Variants in DNAH2 observed in about 807,000 individuals in gnomAD.
DNAH2 encodes dynein axonemal heavy chain 2, also known as axonemal beta dynein heavy chain 2.
DNAH2 carries 323 observed loss-of-function variants against 523.5 expected under a neutral mutation model. The ratio of observed to expected loss-of-function variants is 0.62; its 90% CI spans 0.56 to 0.68. The LOEUF (loss-of-function observed/expected upper bound fraction) is 0.68, where lower values mean the gene tolerates loss of function less well. DNAH2 is among the 30% of genes least tolerant of loss of function. The pLI, the probability that DNAH2 is intolerant of heterozygous loss-of-function variation, is 0.00. For missense variants in DNAH2, 4,907 were observed against 5,701.5 expected (o/e 0.86, Z 4.49); for synonymous variants, 2,093 against 2,177.4 (o/e 0.96, Z 1.08).
rs112850373 is a variant in DNAH2 at position 7,740,071 on chromosome 17, G to T, written c.1376+133G>T. ...TCGGGATCAGGGCGGTGGCCCGGGG[G>T]GGGGGACAGGAGAGAGTGCAGGGGA... On this transcript the variant is annotated intron_variant, in intron 9 of 85. Transcript: ENST00000572933. 5.3e-5 allele frequency: 37 copies of T among 694,240 alleles called. 1 individual carries two copies. The highest frequency in any genetic ancestry group is 8.4e-5 in the Admixed American group (3 of 35,844). 43.0% of individuals were successfully genotyped at this position (694,240 alleles called of 1,614,324 possible).
Position 7,770,844 on chromosome 17 carries a change from G to A in DNAH2, c.4273G>A (p.Asp1425Asn), listed in dbSNP as rs1567671712. ...ACGCTTTGTCAAGGCCTTTGAGAAG[G>A]ATGTGGACCACTGGGAACGCTGCCT... ...ASRFVKAFEK[D>N]VDHWERCLSL... is the part of the protein sequence containing the mutation. Residue 1425 changes from aspartate to asparagine, a missense_variant, in exon 27 of 86, where the codon GAT (aspartate) becomes AAT (asparagine). Asp to Asn is a conservative substitution (Grantham distance 23, BLOSUM62 1). Transcript: ENST00000572933. 2.5e-6 allele frequency: 4 copies of A among 1,614,210 alleles called. No homozygotes were observed. Among genetic ancestry groups the A allele is most frequent in the Middle Eastern group, 1.7e-4 (1 of 6,056 alleles).
At position 7,773,696 on chromosome 17, in the gene DNAH2, C is replaced by T. The variant is rs1023807658; in HGVS notation, c.4502-1063C>T. Among the ~76,000 whole-genome samples the T allele has an allele frequency of 3.3e-5, 5 of 152,056 alleles. No individual in the cohort carries two copies. The East Asian group carries it at 7.7e-4, about 23-fold the overall frequency. On this transcript the variant is annotated intron_variant, in intron 28 of 85. Coordinates refer to ENST00000572933, the MANE Select transcript of DNAH2 (RefSeq NM_020877.5). ...TATCATGAATTTCTTTTTCCTTCGT[C>T]GCAGTTTCACAGATAGAAGATTCAT...
At chr17:7,787,093 G>A (rs548878659) in intron 42 of DNAH2, 60 bp downstream of exon 42, 18 of 1,588,542 alleles carry the variant, frequency 1.1e-5, no homozygotes, top group Admixed American at 1.7e-5. Flanking sequence ...GGCGTGGGCC[G>A]GGGCTGGGGA....
chr17:7,810,067 CTT>C (rs578080579), intron 63 of DNAH2, among the ~76,000 whole-genome samples: 47 of 127,258 alleles, frequency 3.7e-4, no homozygotes, highest in Non-Finnish European at 5.0e-4. Context: ...TCTTTTTTTT[CTT>C]TTTTTTTTTT....
At position 7,833,217 on chromosome 17, in the gene DNAH2, C is replaced by G; in HGVS notation, c.13125C>G (p.Ala4375=). The G allele has an allele frequency of 6.2e-7, 1 of 1,607,138 alleles. No homozygotes were observed. Among genetic ancestry groups the G allele is most frequent in the Non-Finnish European group, 8.5e-7 (1 of 1,179,978 alleles). Residue 4375 remains alanine (A), a synonymous_variant, in exon 85 of 86, where the codon GCC becomes GCG. Transcript: ENST00000572933. ...CTGCAGAGAGCCGCAAGAAGAGCGCCAAGGGTGGGACAGCTCCCCAGGCAG... is the reference window on the plus strand; with the variant it reads ...CTGCAGAGAGCCGCAAGAAGAGCGCGAAGGGTGGGACAGCTCCCCAGGCAG... ...FRPAESRKKS[A]KGMYSCPCYY... is the part of the protein sequence containing the mutation.
chr17:7,774,861 ACTT>A lies in DNAH2; in HGVS notation c.4608_4610del (p.Phe1536del). ...AAGCGACATATTTTCCCCCGCTTCT[ACTT>A]CTTGTCCAATGATGACCTGCTGGAG... On this transcript the variant is annotated inframe_deletion, in exon 29 of 86. Transcript: ENST00000572933. 1 of 1,614,214 alleles carries A rather than the reference ACTT, an allele frequency of 6.2e-7. No individual in the cohort carries two copies. Among genetic ancestry groups the A allele is most frequent in the Non-Finnish European group, 8.5e-7 (1 of 1,180,048 alleles).
chr17:7,833,290 C>T (rs1005459059), intron 85 of DNAH2, 69 bp downstream of exon 85: 11 of 1,606,916 alleles, frequency 6.8e-6, no homozygotes, highest in African/African-American at 4.0e-5. Flanking sequence ...ATTCTCTGCT[C>T]CAGCCCATCC....
At chr17:7,816,814 G>A in intron 64 of DNAH2, 79 bp downstream of exon 64, 1 of 1,550,112 alleles carries the variant, frequency 6.5e-7, no homozygotes, top group Non-Finnish European at 8.7e-7. Context: ...AGCTTGAGGA[G>A]CAGTCAGGGA....
At chr17:7,740,615 G>C (rs2075284486) in intron 10 of DNAH2, 66 bp downstream of exon 10, 1 of 1,594,136 alleles carries the variant, frequency 6.3e-7, no homozygotes, top group Non-Finnish European at 8.5e-7. Context: ...CCTCCTTCCG[G>C]AGGCCCTCCT....
intron 56 of DNAH2, among the ~76,000 whole-genome samples, chr17:7,801,244 CGT>C (rs905294360): frequency 8.5e-5 from 13 of 152,088 alleles, no homozygotes; most frequent in Admixed American, 6.6e-4. Flanking sequence ...GAGCTTTTCA[CGT>C]GTGACACCTC....
At chr17:7,738,333 T>C (rs2075202550) in intron 8 of DNAH2, among the ~76,000 whole-genome samples, 1 of 152,108 alleles carries the variant, frequency 6.6e-6, no homozygotes, top group Non-Finnish European at 1.5e-5. Flanking sequence ...TTAATTTTAA[T>C]TTTAATTTTT....
chr17:7,738,155 A>C, intron 8 of DNAH2: 1 of 700,746 alleles, frequency 1.4e-6, no homozygotes, highest in South Asian at 1.5e-5. Context: ...CCATGTCTCA[A>C]CTCCCTTGTC....
Position 7,734,243 on chromosome 17 carries a change from T to C in DNAH2, c.689T>C (p.Met230Thr), listed in dbSNP as rs760604509. 1 of 1,607,440 alleles carries C rather than the reference T, an allele frequency of 6.2e-7. No individual in the cohort carries two copies. ...TACATCCCTGCAGAGGCCATGAACA[T>C]GAAGCCTGAGATGGTGATAAAGGAC... ...VLYIPAEAMN[M>T]KPEMVIKDKE... Residue 230 changes from methionine (M) to threonine (T), a missense_variant, in exon 6 of 86, where the codon ATG becomes ACG. Met to Thr is a moderately conservative substitution (Grantham distance 81, BLOSUM62 -1). Around this residue, in one of 3 missense-constraint regions of DNAH2, gnomAD observed 2,806 missense variants for 3,190.8 expected, o/e 0.88. Coordinates refer to ENST00000572933, the MANE Select transcript of DNAH2 (RefSeq NM_020877.5).
chr17:7,793,125 C>T lies in DNAH2; in HGVS notation c.7489C>T (p.Pro2497Ser), dbSNP rs1597677247. Residue 2497 changes from proline to serine, a missense_variant, in exon 48 of 86, where the codon CCA becomes TCA. Physicochemically the swap from Pro to Ser is moderately conservative, Grantham distance 74. Transcript: ENST00000572933. ...MPAKDMFGSQ[P>S]PLELIRLWID... ...CGCTAAGGACATGTTTGGGTCCCAG[C>T]CACCCCTGGAGCTGATCCGCCTCTG... 4 of 1,614,210 alleles carry T rather than the reference C, an allele frequency of 2.5e-6. No individual in the cohort carries two copies. Among genetic ancestry groups the T allele is most frequent in the Non-Finnish European group, 3.4e-6 (4 of 1,180,044 alleles).
intron 44 of DNAH2, among the ~76,000 whole-genome samples, chr17:7,791,185 T>A (rs1226731854): frequency 6.6e-6 from 1 of 152,096 alleles, no homozygotes; most frequent in Non-Finnish European, 1.5e-5. Context: ...GCGATTCTCC[T>A]GCCTCAGCCT....
chr17:7,822,308 C>T (rs982220756), intron 73 of DNAH2, among the ~76,000 whole-genome samples: 1 of 152,108 alleles, frequency 6.6e-6, no homozygotes, highest in Non-Finnish European at 1.5e-5. Context: ...TTGTGACGGG[C>T]TCCCCATGGC....
Position 7,780,057 on chromosome 17 carries a change from G to T in DNAH2, c.5723-100G>T, listed in dbSNP as rs1439304767. ...AGTTGGAGAGAAAGTTAGGGATGGA[G>T]TTAGGGTGGGAGAAAATGAGACTGA... On this transcript the variant is annotated intron_variant, in intron 36 of 85. Transcript: ENST00000572933. This position sits in a 1 kb window ranked among gnomAD's most constrained non-coding sequence, Gnocchi z 4.4. 2.0e-6 allele frequency: 3 copies of T among 1,477,854 alleles called. No individual in the cohort carries two copies. The highest frequency in any genetic ancestry group is 2.3e-5 in the East Asian group (1 of 43,824). 91.5% of individuals were successfully genotyped at this position (1,477,854 alleles called of 1,614,324 possible).
intron 71 of DNAH2, 71 bp from the exon 72 acceptor site, chr17:7,819,138 C>A: frequency 6.2e-7 from 1 of 1,604,624 alleles, no homozygotes; most frequent in Non-Finnish European, 8.5e-7. Flanking sequence ...GCTCGAGACC[C>A]CTCCTTCCCT....
Position 7,740,447 on chromosome 17 carries a change from G to A in DNAH2, c.1404G>A (p.Glu468=), listed in dbSNP as rs531816435. ...TCCGTGCCGGAATCAAGGACCTGGA[G>A]GTGATGACCCAGAACCTGATCACCT... ...NKFRAGIKDL[E]VMTQNLITSA... The change falls in exon 10 of 86, where the codon GAG becomes GAA. Residue 468 remains glutamate (E), a synonymous_variant. Coordinates refer to ENST00000572933, the MANE Select transcript of DNAH2 (RefSeq NM_020877.5). The A allele has an allele frequency of 1.9e-6, 3 of 1,614,216 alleles. No individual in the cohort carries two copies. The African/African-American group carries it at 4.0e-5, about 22-fold the overall frequency.
Sources: allele counts gnomAD v4.1 joint callset (sites outside exome capture counted in the v4.1 genomes callset), GRCh38; gene constraint gnomAD v4.1.1; regional missense constraint gnomAD v4.1.1; non-coding constraint Gnocchi (gnomAD v3.1); transcripts MANE v1.5; gene names NCBI Gene and HGNC (gene_info 2026-07-23, HGNC 2026-07-21).